Variants in OAS3 observed in about 807,000 individuals in gnomAD.
OAS3 encodes 2'-5'-oligoadenylate synthetase 3.
A neutral mutation model predicts 113.0 loss-of-function variants in OAS3; 107 were observed. That is an observed-to-expected ratio of 0.95 (90% CI 0.81 to 1.11). The LOEUF is 1.11. Ranked by LOEUF, OAS3 falls within the 50% of genes most tolerant of loss-of-function variation. The pLI is 0.00. For synonymous variants in OAS3, 552 were observed against 573.6 expected (o/e 0.96, Z 0.54); for missense variants, 1,258 against 1,389.1 (o/e 0.91, Z 1.50).
At chr12:112,960,144 GAAATATT>G (rs2043869700) in intron 7 of OAS3, among the ~76,000 whole-genome samples, 4 of 152,076 alleles carry the variant, frequency 2.6e-5, no homozygotes, top group African/African-American at 9.7e-5. Flanking sequence ...CTGGGTTGGA[GAAATATT>G]ACCCTTGGGA....
rs540174719 is a variant in OAS3, at chr12:112,966,041, T to C, written c.2689+12T>C. 1.9e-6 allele frequency: 3 copies of C among 1,613,434 alleles called. No homozygotes were observed. The highest frequency in any genetic ancestry group is 2.2e-5 in the South Asian group (2 of 91,034). The stretch of plus-strand genomic sequence containing the variant: ...CTTTGACGCCCTAGGTGAGGTGCCC[T>C]GGCGTAGACCTGAGAGGGGGAAATA... On this transcript the variant is annotated intron_variant, in intron 12 of 15. Transcript: ENST00000228928.
chr12:112,940,929 T>A (rs1001846273), intron 1 of OAS3, among the ~76,000 whole-genome samples: 1 of 152,156 alleles, frequency 6.6e-6, no homozygotes, highest in African/African-American at 2.4e-5. Context: ...CTTGAACTCA[T>A]GAGATGGAGG....
At position 112,950,800 on chromosome 12, in the gene OAS3, A is replaced by AGAGATCCTTGATGAGATGC; in HGVS notation, c.1486_1504dup (p.Ala502AspfsTer3). The stretch of plus-strand genomic sequence containing the variant: ...ACAAGGACCAGGGGCCCCGCCGCGC[A>AGAGATCCTTGATGAGATGC]GAGATCCTTGATGAGATGCGAGCGC... On this transcript the variant is annotated frameshift_variant, in exon 7 of 16. Coordinates refer to ENST00000228928, the MANE Select transcript of OAS3 (RefSeq NM_006187.4). LOFTEE classifies it high-confidence loss of function. 1 of 1,613,962 alleles carries AGAGATCCTTGATGAGATGC rather than the reference A, an allele frequency of 6.2e-7. No individual in the cohort carries two copies. Among genetic ancestry groups the AGAGATCCTTGATGAGATGC allele is most frequent in the South Asian group, 1.1e-5 (1 of 91,086 alleles).
intron 2 of OAS3, 75 bp downstream of exon 2, chr12:112,941,927 C>A (rs1207446929): frequency 6.3e-7 from 1 of 1,587,052 alleles, no homozygotes; most frequent in East Asian, 2.2e-5. Context: ...CCAATTCTAG[C>A]CCAGCCACCA....
intron 13 of OAS3, 46 bp from the exon 14 acceptor site, chr12:112,967,890 C>A (rs2043950002): frequency 1.3e-6 from 2 of 1,585,098 alleles, no homozygotes; most frequent in South Asian, 2.3e-5. Context: ...TTCTGTACCT[C>A]ATCAGTGCCA....
rs998260985 is a variant in OAS3, at chr12:112,962,684, C to T, written c.1866C>T (p.Ala622=). Residue 622 remains alanine, a synonymous_variant, in exon 9 of 16, where the codon GCC becomes GCT. Coordinates refer to ENST00000228928, the MANE Select transcript of OAS3 (RefSeq NM_006187.4). ...CTCAGAACAAAGGAAAAGGACCAGC[C>T]CCTGCCTCTCTGCCCCCAGCCTATG... The part of the protein sequence containing the change: ...VAAQNKGKGP[A]PASLPPAYAL... The T allele has an allele frequency of 1.9e-6, 3 of 1,613,908 alleles. No homozygotes were observed. Among genetic ancestry groups the T allele is most frequent in the African/African-American group, 1.3e-5 (1 of 74,928 alleles).
chr12:112,943,429 A>C (rs943514965), intron 2 of OAS3, among the ~76,000 whole-genome samples: 5 of 152,184 alleles, frequency 3.3e-5, no homozygotes, highest in African/African-American at 1.2e-4. Flanking sequence ...ACAGCAGGCA[A>C]GCGGTAGCAG....
chr12:112,951,178 A>C (rs959832867), intron 7 of OAS3, among the ~76,000 whole-genome samples: 1 of 152,242 alleles, frequency 6.6e-6, no homozygotes, highest in Non-Finnish European at 1.5e-5. Flanking sequence ...TAATTATGAA[A>C]TGTTTCAAGC....
At position 112,963,564 on chromosome 12, in the gene OAS3, C is replaced by A; in HGVS notation, c.2229+107C>A. 1 of 1,171,112 alleles carries A rather than the reference C, an allele frequency of 8.5e-7. No individual in the cohort carries two copies. Among genetic ancestry groups the A allele is most frequent in the Non-Finnish European group, 1.1e-6 (1 of 883,288 alleles). 72.5% of individuals were successfully genotyped at this position (1,171,112 alleles called of 1,614,324 possible). Reference sequence around the variant, plus strand: ...CCCCAGCTGCTAGGAGTGTTGGTGGCTGACAACTCATAGCCACCCCTTCTC... The same window carrying A: ...CCCCAGCTGCTAGGAGTGTTGGTGGATGACAACTCATAGCCACCCCTTCTC... On this transcript the variant is annotated intron_variant, in intron 10 of 15. Transcript: ENST00000228928. The surrounding 1 kb of genome is among the most constrained non-coding windows in gnomAD (Gnocchi z 4.6).
intron 14 of OAS3, 138 bp from the exon 15 acceptor site, chr12:112,969,470 G>A: frequency 1.0e-6 from 1 of 961,682 alleles, no homozygotes; most frequent in Non-Finnish European, 1.6e-6. Context: ...GTAGTGTATA[G>A]GAGCACTGAG....
At position 112,971,313 on chromosome 12, in the gene OAS3, G is replaced by C. The variant is rs1309052632; in HGVS notation, c.*1340G>C. The C allele has an allele frequency of 6.5e-6, 1 of 153,224 alleles. No individual in the cohort carries two copies. The highest frequency in any genetic ancestry group is 2.4e-5 in the African/African-American group (1 of 41,488). The allele number at this position is 153,224 out of a possible 1,614,324, so 9.5% of individuals were successfully genotyped here. A position where few individuals can be genotyped will look rare whatever the true frequency, so the allele number is the denominator to read the frequency against. On this transcript the variant is annotated 3_prime_UTR_variant, in exon 16 of 16. Coordinates refer to ENST00000228928, the MANE Select transcript of OAS3 (RefSeq NM_006187.4). ...TGGACAAAACTGGAGTCGAGACCTAGGTTAGATTCCTGCAACCACAAACAT... is the reference window on the plus strand; with the variant it reads ...TGGACAAAACTGGAGTCGAGACCTACGTTAGATTCCTGCAACCACAAACAT...
rs563536668 is a variant in OAS3, at chr12:112,969,661, G to A, written c.3158G>A (p.Arg1053His). The A allele has an allele frequency of 1.5e-5, 24 of 1,608,992 alleles. No homozygotes were observed. The highest frequency in any genetic ancestry group is 5.1e-5 in the Admixed American group (3 of 59,364). ...DPTGNLGHNA[R>H]WDLLAKEAAA... ...ACAGGCAACCTGGGCCACAATGCCC[G>A]CTGGGACCTGCTGGCCAAGGAAGCT... The change falls in exon 15 of 16, where the codon CGC (arginine) becomes CAC (histidine). Residue 1053 changes from arginine (R) to histidine (H), a missense_variant. By Grantham distance (29) the Arg-to-His change is conservative (BLOSUM62 0). Coordinates refer to ENST00000228928, the MANE Select transcript of OAS3 (RefSeq NM_006187.4).
intron 3 of OAS3, chr12:112,945,071 A>G: frequency 3.5e-6 from 1 of 287,230 alleles, no homozygotes; most frequent in Non-Finnish European, 6.8e-6. Flanking sequence ...CAGCACTTTG[A>G]GTGGCCGAGG....
At chr12:112,952,572 A>G (rs2043801814) in intron 7 of OAS3, among the ~76,000 whole-genome samples, 1 of 152,214 alleles carries the variant, frequency 6.6e-6, no homozygotes, top group Non-Finnish European at 1.5e-5. Flanking sequence ...ATTAAACCCT[A>G]TTAATATAAT....
intron 2 of OAS3, among the ~76,000 whole-genome samples, chr12:112,942,700 C>A (rs1442581172): frequency 1.3e-5 from 2 of 148,992 alleles, no homozygotes; most frequent in African/African-American, 4.9e-5. Flanking sequence ...CTGAGTAAGA[C>A]TCTTCTTAAA....
chr12:112,940,204 G>A (rs2043667600), intron 1 of OAS3, among the ~76,000 whole-genome samples: 1 of 152,172 alleles, frequency 6.6e-6, no homozygotes, highest in Non-Finnish European at 1.5e-5. Flanking sequence ...TGTGCAAAAC[G>A]TGCAGGAAGT....
Position 112,967,674 on chromosome 12 carries a change from C to T in OAS3, c.2865+81C>T. ...CACTTTCCTGGGAGGAAGCAGGGCC[C>T]AGCCCTGGCCAAGATCCTGGGTTGG... On this transcript the variant is annotated intron_variant, in intron 13 of 15. Transcript: ENST00000228928. 4 of 1,459,064 alleles carry T rather than the reference C, an allele frequency of 2.7e-6. No homozygotes were observed. In the South Asian group the frequency reaches 5.2e-5, roughly 19 times the overall value. The allele number at this position is 1,459,064 out of a possible 1,614,324, so 90.4% of individuals were successfully genotyped here. A position where few individuals can be genotyped will look rare whatever the true frequency, so the allele number is the denominator to read the frequency against.
chr12:112,944,560 C>T lies in OAS3; in HGVS notation c.545C>T (p.Ala182Val). Residue 182 changes from alanine (A) to valine (V), a missense_variant, in exon 3 of 16, where the codon GCC becomes GTC. By Grantham distance (64) the Ala-to-Val change is moderately conservative (BLOSUM62 0). Coordinates refer to ENST00000228928, the MANE Select transcript of OAS3 (RefSeq NM_006187.4). ...GGCTGCCAAGGGGGCGAGCATGCGG[C>T]CTGCTTCACAGAGCTGCGGAGGAAC... ...NSGCQGGEHAACFTELRRNFV... is the reference protein window; with the variant it reads ...NSGCQGGEHAVCFTELRRNFV... 6.2e-7 allele frequency: 1 copy of T among 1,614,060 alleles called. No homozygotes were observed. Among genetic ancestry groups the T allele is most frequent in the Non-Finnish European group, 8.5e-7 (1 of 1,179,896 alleles).
At chr12:112,945,610 G>A (rs927791990) in intron 3 of OAS3, among the ~76,000 whole-genome samples, 11 of 152,150 alleles carry the variant, frequency 7.2e-5, no homozygotes, top group Admixed American at 2.6e-4. Context: ...TGCAGCACAT[G>A]GACCAGTCAT....
Sources: allele counts gnomAD v4.1 joint callset (sites outside exome capture counted in the v4.1 genomes callset), GRCh38; gene constraint gnomAD v4.1.1; non-coding constraint Gnocchi (gnomAD v3.1); transcripts MANE v1.5; gene names NCBI Gene and HGNC (gene_info 2026-07-23, HGNC 2026-07-21).